FRMD8: variants seen among roughly 807,000 people sequenced by gnomAD.
FRMD8 encodes the protein FERM domain containing 8.
Under a neutral mutation model 54.2 loss-of-function variants are expected in FRMD8, and 37 were observed. The ratio of observed to expected loss-of-function variants is 0.68; its 90% CI spans 0.53 to 0.90. The LOEUF is 0.90. Among genes scored for constraint, FRMD8 ranks in the 40% least tolerant of loss-of-function variants. The probability of loss-of-function intolerance (pLI) is 0.00; values close to 1 mark genes in which losing one functional copy is unlikely to be tolerated. For synonymous variants in FRMD8, 246 were observed against 286.9 expected (o/e 0.86, Z 1.44); for missense variants, 585 against 653.7 (o/e 0.89, Z 1.15).
chr11:65,379,285 CA>C, the FRMD8 span: 1 of 1,476,778 alleles, frequency 6.8e-7, no homozygotes, highest in Admixed American at 1.7e-5. Flanking sequence ...TATGCCTCCA[CA>C]GCTGTGGGTC....
chr11:65,376,803 C>T, the FRMD8 span: 102 of 1,614,222 alleles, frequency 6.3e-5, no homozygotes, highest in African/African-American at 3.6e-4. Context: ...CATCCTCTCA[C>T]GCCACTTTAC....
chr11:65,407,814 G>A (rs1279074142), intron 10 of FRMD8, among the ~76,000 whole-genome samples: 1 of 151,374 alleles, frequency 6.6e-6, no homozygotes, highest in South Asian at 2.1e-4. Flanking sequence ...AACCTGGGAG[G>A]CGGAGCTTGC....
the FRMD8 span, chr11:65,379,163 C>T: frequency 3.4e-6 from 2 of 586,894 alleles, no homozygotes; most frequent in Non-Finnish European, 3.0e-6. Flanking sequence ...CCTCTTGGCA[C>T]TGCCCACCAG....
In FRMD8 at chr11:65,411,278, C is replaced by T; in HGVS notation, c.1313C>T (p.Thr438Ile). The T allele has an allele frequency of 3.7e-6, 6 of 1,609,958 alleles. No homozygotes were observed. The highest frequency in any genetic ancestry group is 5.1e-6 in the Non-Finnish European group (6 of 1,179,320). ...GIRRVKPKRT[T>I]SFFSRQLSLG... The stretch of plus-strand genomic sequence containing the variant: ...AGGCGAGTGAAGCCGAAGCGCACCA[C>T]ATCCTTCTTCAGCCGGCAGCTGTCC... The change falls in exon 11 of 11, where the codon ACA becomes ATA. Residue 438 changes from threonine (T) to isoleucine (I), a missense_variant. Thr to Ile is a moderately conservative substitution (Grantham distance 89). Coordinates refer to ENST00000317568, the MANE Select transcript of FRMD8 (RefSeq NM_031904.5).
At chr11:65,401,462 T>C (rs1379588654) in intron 9 of FRMD8, among the ~76,000 whole-genome samples, 7 of 142,962 alleles carry the variant, frequency 4.9e-5, no homozygotes, top group African/African-American at 1.8e-4. Context: ...CTTTCAGGAC[T>C]GTTCCCACCC....
rs964857147 is a variant in FRMD8, at chr11:65,408,620, A to AT, written c.1277-2611dup. On this transcript the variant is annotated intron_variant, in intron 10 of 10. Transcript: ENST00000317568. The stretch of plus-strand genomic sequence containing the variant: ...GCCTTGCTAATGTAAAAGTGTGCAG[A>AT]TTTTTTTTTTTAAATAGGATTTCAC... Among the ~76,000 whole-genome samples, 21 of 147,490 alleles carry AT rather than the reference A, an allele frequency of 1.4e-4. No individual in the cohort carries two copies. The East Asian group carries it at 2.6e-3, about 18-fold the overall frequency.
the FRMD8 span, chr11:65,377,013 C>T: frequency 1.2e-4 from 188 of 1,613,912 alleles, no homozygotes; most frequent in Middle Eastern, 6.6e-4. Flanking sequence ...CCTGGCTGGG[C>T]CCTTGGCTCT....
chr11:65,395,539 C>CA (rs948305852), intron 6 of FRMD8, among the ~76,000 whole-genome samples: 1 of 151,800 alleles, frequency 6.6e-6, no homozygotes, highest in Non-Finnish European at 1.5e-5. Flanking sequence ...AACTCCGTCT[C>CA]AAAAAAGAAA....
the FRMD8 span, among the ~76,000 whole-genome samples, chr11:65,374,984 G>GAGAAAAAGAAAAAGAAAA: frequency 6.2e-4 from 93 of 150,478 alleles, no homozygotes; most frequent in African/African-American, 2.0e-3. Context: ...AGAAAAAATA[G>GAGAAAAAGAAAAAGAAAA]AGAAAAAGAA....
chr11:65,387,741 T>C (rs182264178), intron 2 of FRMD8, among the ~76,000 whole-genome samples: 371 of 152,160 alleles, frequency 2.4e-3, no homozygotes, highest in Admixed American at 7.5e-3. Flanking sequence ...GGTTTCATCG[T>C]GTTAGCCAGG....
At position 65,400,425 on chromosome 11, in the gene FRMD8, C is replaced by T. The variant is rs764081172; in HGVS notation, c.928-299C>T. ...TCAGCCTCATGCTAGATGCCACGCC[C>T]GACCTCATAGAAGAGACTCCGCTTC... On this transcript the variant is annotated intron_variant, in intron 8 of 10. Transcript: ENST00000317568. The surrounding 1 kb of genome is among the most constrained non-coding windows in gnomAD (Gnocchi z 4.3). Among the ~76,000 whole-genome samples, 9 of 152,250 alleles carry T rather than the reference C, an allele frequency of 5.9e-5. No homozygotes were observed. Among genetic ancestry groups the T allele is most frequent in the African/African-American group, 1.4e-4 (6 of 41,542 alleles).
Position 65,400,127 on chromosome 11 carries a change from T to C in FRMD8, c.927+268T>C, listed in dbSNP as rs914931430. On this transcript the variant is annotated intron_variant, in intron 8 of 10. Transcript: ENST00000317568. This position sits in a 1 kb window ranked among gnomAD's most constrained non-coding sequence, Gnocchi z 4.3. ...GAGGGAGGGCAGCAGGGCCCGCTGC[T>C]CTGCCTGGCTGATGGCTGGAGAACA... Among the ~76,000 whole-genome samples, 5 of 152,132 alleles carry C rather than the reference T, an allele frequency of 3.3e-5. No individual in the cohort carries two copies. Among genetic ancestry groups the C allele is most frequent in the African/African-American group, 1.2e-4 (5 of 41,428 alleles).
chr11:65,401,087 G>T (rs1856067782), intron 9 of FRMD8, among the ~76,000 whole-genome samples: 1 of 152,098 alleles, frequency 6.6e-6, no homozygotes, highest in Non-Finnish European at 1.5e-5. Flanking sequence ...GCCGGTGGTG[G>T]TGGCAGCTGT....
chr11:65,373,059 C>T, the FRMD8 span, among the ~76,000 whole-genome samples: 1 of 152,200 alleles, frequency 6.6e-6, no homozygotes, highest in African/African-American at 2.4e-5. Context: ...CCAGACCAGG[C>T]TGGCCAACAT....
At chr11:65,405,802 A>G (rs1590660182) in intron 10 of FRMD8, among the ~76,000 whole-genome samples, 1 of 151,918 alleles carries the variant, frequency 6.6e-6, no homozygotes, top group Admixed American at 6.6e-5. Context: ...GGAGCTCAAG[A>G]CCAGCCTGGA....
chr11:65,380,344 AC>A, the FRMD8 span: 2 of 1,022,010 alleles, frequency 2.0e-6, no homozygotes, highest in Non-Finnish European at 1.4e-6. Context: ...TGCCCCTGCC[AC>A]CCCCTCCACA....
At chr11:65,410,290 G>A (rs1856301292) in intron 10 of FRMD8, among the ~76,000 whole-genome samples, 1 of 152,024 alleles carries the variant, frequency 6.6e-6, no homozygotes, top group South Asian at 2.1e-4. Context: ...GAGGTCAAGA[G>A]ATCGAGACCA....
chr11:65,381,696 A>G (rs1180788305), upstream of FRMD8: 11 of 562,216 alleles, frequency 2.0e-5, no homozygotes, highest in East Asian at 3.3e-4. Flanking sequence ...CTGGGACTAC[A>G]GGTGTGAGCC....
chr11:65,380,857 G>A, the FRMD8 span: 9 of 300,974 alleles, frequency 3.0e-5, no homozygotes, highest in Non-Finnish European at 5.4e-5. Context: ...CCGGGACTGC[G>A]GCCCACAGCC....
Sources: allele counts gnomAD v4.1 joint callset (sites outside exome capture counted in the v4.1 genomes callset), GRCh38; gene constraint gnomAD v4.1.1; non-coding constraint Gnocchi (gnomAD v3.1); transcripts MANE v1.5; gene names NCBI Gene and HGNC (gene_info 2026-07-23, HGNC 2026-07-21).